SLC44A3: variants seen among roughly 807,000 people sequenced by gnomAD.
The protein encoded by SLC44A3 is choline transporter-like protein 3.
In SLC44A3, 74 loss-of-function variants were observed where a neutral mutation model predicts 75.4. The ratio of observed to expected loss-of-function variants is 0.98; its 90% CI spans 0.81 to 1.19. The LOEUF is 1.19. SLC44A3 is among the 50% of genes most tolerant of loss of function. SLC44A3 has a pLI of 0.00. For synonymous variants in SLC44A3, 310 were observed against 296.9 expected, an observed-to-expected ratio of 1.04 and a Z score of -0.45; for missense variants, 700 against 778.6, an observed-to-expected ratio of 0.90 and a Z score of 1.20.
At position 94,868,241 on chromosome 1, in the gene SLC44A3, GT is replaced by G. The variant is rs1375972054; in HGVS notation, c.1482+828del. Among the ~76,000 whole-genome samples the G allele has an allele frequency of 5.9e-5, 9 of 152,090 alleles. No individual in the cohort carries two copies. The East Asian group carries it at 9.6e-4, about 16-fold the overall frequency. On this transcript the variant is annotated intron_variant, in intron 12 of 14. Transcript: ENST00000271227. Reference sequence around the variant, plus strand: ...CAGTATTTTTGTAAGTTAGCAAACTGTTTTATAATTTAAATGTTCACAGAAA... The same window carrying G: ...CAGTATTTTTGTAAGTTAGCAAACTGTTTATAATTTAAATGTTCACAGAAA...
intron 12 of SLC44A3, among the ~76,000 whole-genome samples, chr1:94,873,841 A>G (rs1668011776): frequency 1.3e-5 from 2 of 152,228 alleles, no homozygotes. Flanking sequence ...TTATCTCACT[A>G]GATTAGGAAA....
intron 12 of SLC44A3, among the ~76,000 whole-genome samples, chr1:94,869,473 G>C (rs193284753): frequency 6.6e-5 from 10 of 152,328 alleles, no homozygotes; most frequent in Middle Eastern, 3.4e-3. Context: ...CTGCTTTGTA[G>C]TGTCTTTTCC....
At chr1:94,859,618 AT>A (rs1185316299) in intron 10 of SLC44A3, among the ~76,000 whole-genome samples, 1 of 152,164 alleles carries the variant, frequency 6.6e-6, no homozygotes, top group Non-Finnish European at 1.5e-5. Flanking sequence ...AGACCCCCAA[AT>A]TCCACACCAG....
intron 12 of SLC44A3, among the ~76,000 whole-genome samples, chr1:94,890,774 G>C (rs1374222568): frequency 6.6e-6 from 1 of 152,284 alleles, no homozygotes; most frequent in Middle Eastern, 3.4e-3. Flanking sequence ...TTGAGCCCAG[G>C]AGGCAGAGGT....
chr1:94,895,099 T>C lies in SLC44A3; in HGVS notation c.*177T>C, dbSNP rs1305347646. The C allele has an allele frequency of 1.8e-6, 1 of 548,680 alleles. No homozygotes were observed. The highest frequency in any genetic ancestry group is 3.3e-6 in the Non-Finnish European group (1 of 303,494). 34.0% of individuals were successfully genotyped at this position (548,680 alleles called of 1,614,324 possible). On this transcript the variant is annotated 3_prime_UTR_variant, in exon 15 of 15. Coordinates refer to ENST00000271227, the MANE Select transcript of SLC44A3 (RefSeq NM_001114106.3). ...TGACCAGGTAACAATACTGGAACTA[T>C]ATTAGTTTACCTTTTTTTGTACAAA...
intron 9 of SLC44A3, among the ~76,000 whole-genome samples, chr1:94,849,360 A>C (rs1268113436): frequency 2.0e-5 from 3 of 151,612 alleles, no homozygotes; most frequent in African/African-American, 7.3e-5. Flanking sequence ...CCCCTTCCCC[A>C]CCCCGCTGGG....
Position 94,828,582 on chromosome 1 carries a change from C to A in SLC44A3, c.505C>A (p.Pro169Thr). 1 of 1,613,664 alleles carries A rather than the reference C, an allele frequency of 6.2e-7. No homozygotes were observed. The stretch of plus-strand genomic sequence containing the variant: ...ACTGTGTCCCAGGCTACCAGTTCCT[C>A]CAAGGTAAAAGCTTCCATACTTTTT... ...DSLCPRLPVP[P>T]SKSFPLFNRC... The change falls in exon 5 of 15, where the codon CCA becomes ACA. Residue 169 changes from proline (P) to threonine (T), a missense_variant. Physicochemically the swap from Pro to Thr is conservative, Grantham distance 38 (BLOSUM62 -1). Transcript: ENST00000271227.
chr1:94,862,721 A>G (rs566433479), intron 10 of SLC44A3, among the ~76,000 whole-genome samples: 77 of 152,262 alleles, frequency 5.1e-4, no homozygotes, highest in African/African-American at 1.8e-3. Context: ...GATGTGGTCC[A>G]GTGGGAAGAT....
intron 3 of SLC44A3, chr1:94,825,736 G>C (rs1661227130): frequency 2.4e-6 from 1 of 414,394 alleles, no homozygotes; most frequent in Non-Finnish European, 4.8e-6. Context: ...ACAAATCTCA[G>C]ACTAAGCCTC....
At position 94,895,197 on chromosome 1, in the gene SLC44A3, G is replaced by GGTAA. The variant is rs1311165574; in HGVS notation, c.*278_*281dup. 3.5e-6 allele frequency: 1 copy of GGTAA among 289,464 alleles called. No individual in the cohort carries two copies. The highest frequency in any genetic ancestry group is 4.7e-5 in the Admixed American group (1 of 21,478). The allele number at this position is 289,464 out of a possible 1,614,324, so 17.9% of individuals were successfully genotyped here. On this transcript the variant is annotated 3_prime_UTR_variant, in exon 15 of 15. Transcript: ENST00000271227. ...ACAAAGTACACTATGTAAGAACTGA[G>GGTAA]GTAAGTTTGTAAGTGCACAACTAAT...
intron 12 of SLC44A3, among the ~76,000 whole-genome samples, chr1:94,882,699 T>C (rs1346993142): frequency 2.0e-5 from 3 of 151,970 alleles, no homozygotes; most frequent in Middle Eastern, 3.2e-3. Context: ...GGCAGATCAA[T>C]GAAGGATCAA....
At chr1:94,864,511 C>T (rs973440092) in intron 10 of SLC44A3, among the ~76,000 whole-genome samples, 1 of 152,146 alleles carries the variant, frequency 6.6e-6, no homozygotes, top group Admixed American at 6.5e-5. Context: ...TTTAACTCAT[C>T]AATTTTTTTA....
chr1:94,865,050 G>A (rs553319640), intron 11 of SLC44A3, 151 bp downstream of exon 11: 25 of 625,268 alleles, frequency 4.0e-5, no homozygotes, highest in South Asian at 3.4e-4. Context: ...CCCATCCCCC[G>A]CCTCTCCCAG....
chr1:94,827,675 C>T (rs756980155), intron 4 of SLC44A3, 32 bp downstream of exon 4: 1 of 1,611,094 alleles, frequency 6.2e-7, no homozygotes, highest in East Asian at 2.2e-5. Context: ...GTTCTTTTCC[C>T]CATGATGGGG....
intron 10 of SLC44A3, 134 bp from the exon 11 acceptor site, chr1:94,864,609 G>A: frequency 2.6e-6 from 2 of 772,208 alleles, no homozygotes; most frequent in South Asian, 4.2e-5. Flanking sequence ...CTACCAAGGA[G>A]TATAAAAAGT....
At chr1:94,850,949 G>GA (rs1165977247) in intron 9 of SLC44A3, among the ~76,000 whole-genome samples, 5 of 152,110 alleles carry the variant, frequency 3.3e-5, no homozygotes, top group African/African-American at 4.8e-5. Context: ...CTTGTTCTAG[G>GA]AAAAGAGTAA....
At chr1:94,828,962 C>T (rs910787432) in intron 5 of SLC44A3, among the ~76,000 whole-genome samples, 3 of 151,986 alleles carry the variant, frequency 2.0e-5, no homozygotes, top group African/African-American at 2.4e-5. Flanking sequence ...TTACTTTGGC[C>T]GGGCATGGTG....
At position 94,821,023 on chromosome 1, in the gene SLC44A3, G is replaced by A. The variant is rs1256350313; in HGVS notation, c.102G>A (p.Trp34Ter). The A allele has an allele frequency of 1.9e-6, 3 of 1,551,558 alleles. No individual in the cohort carries two copies. Among genetic ancestry groups the A allele is most frequent in the Admixed American group, 3.9e-5 (2 of 51,000 alleles). ...QIYRKCTDTA[W>*]LFLFFLFWTG... The stretch of plus-strand genomic sequence containing the variant: ...ATAGGAAATGCACAGATACGGCATG[G>A]TTATTCCTGTTCTTTCTCTTTTGGA... The change falls in exon 2 of 15, where the codon TGG (tryptophan) becomes TGA (stop). Residue 34 changes from tryptophan (W) to a stop codon, truncating the protein, a stop_gained. Coordinates refer to ENST00000271227, the MANE Select transcript of SLC44A3 (RefSeq NM_001114106.3). LOFTEE classifies it high-confidence loss of function.
intron 6 of SLC44A3, among the ~76,000 whole-genome samples, chr1:94,838,226 C>T (rs905865383): frequency 1.3e-5 from 2 of 152,216 alleles, no homozygotes; most frequent in South Asian, 2.1e-4. Context: ...CCAAACATGC[C>T]TCCACCTGTA....
Sources: gnomAD v4.1 joint callset for allele counts (sites outside exome capture counted in the v4.1 genomes callset) on GRCh38, gnomAD v4.1.1 for gene constraint, MANE v1.5 for transcripts, NCBI Gene and HGNC (gene_info 2026-07-23, HGNC 2026-07-21) for gene names.